Variants in MACF1 observed in about 807,000 individuals in gnomAD.
MACF1 encodes microtubule actin crosslinking factor 1.
A neutral mutation model predicts 854.8 loss-of-function variants in MACF1; 193 were observed. The ratio of observed to expected loss-of-function variants is 0.23; its 90% CI spans 0.20 to 0.25. The LOEUF (loss-of-function observed/expected upper bound fraction) is 0.25. Among genes scored for constraint, MACF1 ranks in the 10% least tolerant of loss-of-function variants. MACF1 has a pLI of 1.00. For missense variants in MACF1, 7,722 were observed against 8,929.1 expected (o/e 0.86, Z 5.45); for synonymous variants, 3,185 against 3,226.7 (o/e 0.99, Z 0.44).
chr1:39,092,677 C>T (rs1641835134), intron 2 of MACF1, among the ~76,000 whole-genome samples: 1 of 152,146 alleles, frequency 6.6e-6, no homozygotes, highest in Non-Finnish European at 1.5e-5. Flanking sequence ...TACAGTGAAC[C>T]CCCATCACCC....
intron 60 of MACF1, among the ~76,000 whole-genome samples, chr1:39,423,406 C>T (rs942594812): frequency 2.6e-5 from 4 of 152,026 alleles, no homozygotes; most frequent in Admixed American, 6.6e-5. Flanking sequence ...GAGGCCGAGG[C>T]AGGCGGATCA....
At chr1:39,121,196 A>G (rs1249744884) in intron 2 of MACF1, among the ~76,000 whole-genome samples, 3 of 152,190 alleles carry the variant, frequency 2.0e-5, no homozygotes, top group Non-Finnish European at 4.4e-5. Flanking sequence ...TGTTCCCCAT[A>G]AGGAAAAGAG....
intron 49 of MACF1, among the ~76,000 whole-genome samples, chr1:39,365,629 A>G (rs1205603899): frequency 1.3e-5 from 2 of 152,070 alleles, no homozygotes; most frequent in Non-Finnish European, 2.9e-5. Flanking sequence ...CATCTTCATC[A>G]TATACACAAT....
At chr1:39,140,914 CAAAAAAAAA>C (rs34687844) in intron 2 of MACF1, among the ~76,000 whole-genome samples, 4 of 48,270 alleles carry the variant, frequency 8.3e-5, no homozygotes, top group Admixed American at 7.4e-4. Flanking sequence ...GACTCTGTCT[CAAAAAAAAA>C]AAAAAAAAAA....
chr1:39,153,503 A>G (rs942782657), intron 2 of MACF1, among the ~76,000 whole-genome samples: 12 of 152,310 alleles, frequency 7.9e-5, no homozygotes, highest in African/African-American at 2.9e-4. Flanking sequence ...GCTCAACGAG[A>G]GTGAGCTTAT....
chr1:39,318,654 T>G, intron 30 of MACF1, 39 bp downstream of exon 30: 1 of 1,526,528 alleles, frequency 6.6e-7, no homozygotes, highest in East Asian at 2.3e-5. Flanking sequence ...GAGTTAGAAA[T>G]TTAAATTTTC....
At chr1:39,352,525 TG>T (rs1647217520) in intron 43 of MACF1, among the ~76,000 whole-genome samples, 3 of 152,154 alleles carry the variant, frequency 2.0e-5, no homozygotes, top group African/African-American at 7.2e-5. Context: ...TCCTAGGATT[TG>T]TTTTGTTTTG....
At chr1:39,469,661 G>A (rs929030507) in intron 97 of MACF1, 46 bp downstream of exon 97, 3 of 1,419,068 alleles carry the variant, frequency 2.1e-6, no homozygotes, top group African/African-American at 2.8e-5. Context: ...CTAGCCCATT[G>A]AGAATGGCTT....
chr1:39,386,345 C>T (rs1438768189), intron 57 of MACF1, among the ~76,000 whole-genome samples: 1 of 151,804 alleles, frequency 6.6e-6, no homozygotes, highest in Admixed American at 6.6e-5. Flanking sequence ...ACTGCACCCT[C>T]AATCTCCTGG....
rs1433801044 is a variant in MACF1, at chr1:39,088,885, CAT to C, written c.220+4448_220+4449del. ...ACAAGTTTCCTGCAGATGGCAGTAA[CAT>C]GTTTTGAAGAAGGGCTCATGTTTGG... On this transcript the variant is annotated intron_variant, in intron 2 of 93. Transcript: ENST00000361689. Among the ~76,000 whole-genome samples, 10 of 152,312 alleles carry C rather than the reference CAT, an allele frequency of 6.6e-5. No homozygotes were observed. The South Asian group carries it at 1.5e-3, about 22-fold the overall frequency.
intron 2 of MACF1, among the ~76,000 whole-genome samples, chr1:39,149,818 A>G (rs1036243620): frequency 2.0e-5 from 3 of 152,154 alleles, no homozygotes; most frequent in Non-Finnish European, 4.4e-5. Flanking sequence ...AACTGTCTTA[A>G]TCTTATCCCA....
At chr1:39,352,401 T>C (rs1647211936) in intron 43 of MACF1, among the ~76,000 whole-genome samples, 1 of 152,230 alleles carries the variant, frequency 6.6e-6, no homozygotes, top group Non-Finnish European at 1.5e-5. Context: ...TGAATGTGAC[T>C]GTGCTATTTC....
chr1:39,447,800 A>C lies in MACF1; in HGVS notation c.19870A>C (p.Asn6624His). The C allele has an allele frequency of 6.2e-7, 1 of 1,613,990 alleles. No individual in the cohort carries two copies. The highest frequency in any genetic ancestry group is 8.5e-7 in the Non-Finnish European group (1 of 1,179,996). Residue 6624 changes from asparagine to histidine, a missense_variant, in exon 82 of 101, where the codon AAT (asparagine) becomes CAT (histidine). Physicochemically the swap from Asn to His is moderately conservative, Grantham distance 68. Coordinates refer to ENST00000564288, the MANE Select transcript of MACF1 (RefSeq NM_001394062.1). ...SQKQDVVLIK[N>H]LLVSVQSRWE... ...AAAGCAGGATGTTGTTCTGATCAAG[A>C]ATTTGTTGGTGAGCGTGCAGTCTCG... is the stretch of plus-strand genomic sequence containing the variant.
At chr1:39,214,853 C>T (rs576467616) in intron 1 of MACF1, among the ~76,000 whole-genome samples, 14 of 152,316 alleles carry the variant, frequency 9.2e-5, no homozygotes, top group Middle Eastern at 3.4e-3. Context: ...AGAAGAGGCA[C>T]ACCTGAGGAG....
chr1:39,096,902 ACTCTTGCT>A (rs1641952125), intron 2 of MACF1, among the ~76,000 whole-genome samples: 1 of 112,350 alleles, frequency 8.9e-6, no homozygotes, highest in Non-Finnish European at 1.7e-5. Context: ...TTTGAGACGG[ACTCTTGCT>A]CTGTCACCCA....
intron 2 of MACF1, among the ~76,000 whole-genome samples, chr1:39,231,951 C>T (rs564856989): frequency 8.2e-4 from 124 of 151,674 alleles, no homozygotes; most frequent in Non-Finnish European, 1.4e-3. Context: ...TGAATTTTTA[C>T]ATGAATTTTA....
chr1:39,311,959 A>G (rs896220595), intron 26 of MACF1, among the ~76,000 whole-genome samples: 13 of 152,184 alleles, frequency 8.5e-5, no homozygotes, highest in African/African-American at 2.7e-4. Flanking sequence ...AGAGGGAAGT[A>G]TGATTTTTAC....
At chr1:39,346,643 C>T (rs1452977590) in intron 40 of MACF1, among the ~76,000 whole-genome samples, 1 of 151,674 alleles carries the variant, frequency 6.6e-6, no homozygotes, top group African/African-American at 2.4e-5. Context: ...CCTCAGCCTC[C>T]CAAGTAGCTG....
chr1:39,194,150 G>GTT (rs1249369072), intron 2 of MACF1, among the ~76,000 whole-genome samples: 2 of 151,924 alleles, frequency 1.3e-5, no homozygotes, highest in African/African-American at 4.8e-5. Flanking sequence ...AGTTTTCTAA[G>GTT]TGCTGTACCA....
Sources: allele counts gnomAD v4.1 joint callset (sites outside exome capture counted in the v4.1 genomes callset), GRCh38; gene constraint gnomAD v4.1.1; transcripts MANE v1.5; gene names NCBI Gene and HGNC (gene_info 2026-07-23, HGNC 2026-07-21).